CLPX: variants seen among roughly 807,000 people sequenced by gnomAD.
CLPX encodes caseinolytic mitochondrial matrix peptidase chaperone subunit X.
CLPX carries 34 observed loss-of-function variants against 76.4 expected under a neutral mutation model. The ratio of observed to expected loss-of-function variants is 0.45; its 90% CI spans 0.34 to 0.59. The LOEUF is 0.59. Among genes scored for constraint, CLPX ranks in the 20% least tolerant of loss-of-function variants. The pLI, the probability that CLPX is intolerant of heterozygous loss-of-function variation, is 0.01. For synonymous variants in CLPX, 248 were observed against 270.9 expected (o/e 0.92, Z 0.83); for missense variants, 613 against 757.0 (o/e 0.81, Z 2.23).
Position 65,152,706 on chromosome 15 carries a change from TA to T in CLPX, c.1705-171del, listed in dbSNP as rs1376092783. 1.0e-4 allele frequency among the ~76,000 whole-genome samples: 15 copies of T among 148,994 alleles called. No homozygotes were observed. The Admixed American group carries it at 1.0e-3, about 10-fold the overall frequency. On this transcript the variant is annotated intron_variant, in intron 12 of 13. Transcript: ENST00000300107. ...GGGATTATATATATAAACATATATA[TA>T]TATATATTTGGGATTATAGCTGTGA... is the stretch of plus-strand genomic sequence containing the variant.
intron 3 of CLPX, among the ~76,000 whole-genome samples, chr15:65,169,836 A>G (rs1595943239): frequency 6.6e-6 from 1 of 151,176 alleles, no homozygotes; most frequent in African/African-American, 2.4e-5. Flanking sequence ...GCTTACTGCA[A>G]CCTTCGCCTC....
At chr15:65,160,312 C>G (rs532149687) in intron 6 of CLPX, among the ~76,000 whole-genome samples, 1 of 152,254 alleles carries the variant, frequency 6.6e-6, no homozygotes, top group East Asian at 1.9e-4. Flanking sequence ...CCATAAACAT[C>G]TGGATTAAAT....
At chr15:65,155,126 A>G in intron 10 of CLPX, 45 bp from the exon 11 acceptor site, 1 of 1,496,294 alleles carries the variant, frequency 6.7e-7, no homozygotes, top group Non-Finnish European at 9.2e-7. Flanking sequence ...GAATCAAATG[A>G]TAGTGTATTA....
chr15:65,183,268 C>A (rs2088202480), intron 1 of CLPX, among the ~76,000 whole-genome samples: 1 of 151,720 alleles, frequency 6.6e-6, no homozygotes, highest in Non-Finnish European at 1.5e-5. Flanking sequence ...CGAGACCATC[C>A]TGGCTAACAC....
rs1370693664 is a variant in CLPX at position 65,185,088 on chromosome 15, G to A, written c.66C>T (p.Ala22=). 6.3e-7 allele frequency: 1 copy of A among 1,581,222 alleles called. No homozygotes were observed. The highest frequency in any genetic ancestry group is 1.2e-5 in the South Asian group (1 of 86,138). The change falls in exon 1 of 14, where the codon GCC becomes GCT. Residue 22 remains alanine, a synonymous_variant. Coordinates refer to ENST00000300107, the MANE Select transcript of CLPX (RefSeq NM_006660.5). ...AAVRLITSSL[A]SAQRGISGGR... is the part of the protein sequence containing the mutation. ...CTATTTCGTTACCTCTCTGCGCGGA[G>A]GCGAGTGAGGAGGTGATGAGCCGGA...
chr15:65,152,904 T>TG (rs35094787), intron 12 of CLPX, among the ~76,000 whole-genome samples: 1,572 of 150,676 alleles, frequency 0.01, 30 homozygotes, highest in African/African-American at 0.037. Context: ...GCCTCTTTTT[T>TG]TTTGTTTGTT....
intron 1 of CLPX, among the ~76,000 whole-genome samples, chr15:65,180,704 C>T (rs2088155417): frequency 6.6e-6 from 1 of 151,940 alleles, no homozygotes; most frequent in Admixed American, 6.6e-5. Flanking sequence ...GAGTTCAAAA[C>T]CAGCCTGGCC....
chr15:65,154,963 C>A lies in CLPX; in HGVS notation c.1430G>T (p.Arg477Leu), dbSNP rs751694766. ...TCTGGCTTCCACATGACGCAATAAC[C>A]GATCTTTTTCTTCAATGTCTTGGTG... The part of the protein sequence containing the change: ...NTHQDIEEKD[R>L]LLRHVEARDL... The change falls in exon 11 of 14, where the codon CGG becomes CTG. Residue 477 changes from arginine to leucine, a missense_variant. Transcript: ENST00000300107. 1 of 1,614,130 alleles carries A rather than the reference C, an allele frequency of 6.2e-7. No individual in the cohort carries two copies.
intron 1 of CLPX, among the ~76,000 whole-genome samples, chr15:65,180,667 CT>C (rs1199623972): frequency 3.9e-5 from 6 of 152,078 alleles, no homozygotes; most frequent in African/African-American, 1.4e-4. Context: ...TTTGGGAGGC[CT>C]AGGCGGGTGG....
intron 3 of CLPX, among the ~76,000 whole-genome samples, chr15:65,172,104 C>A (rs1209208679): frequency 2.6e-5 from 4 of 152,082 alleles, no homozygotes; most frequent in Non-Finnish European, 2.9e-5. Flanking sequence ...GCTGGGATTA[C>A]AAGCATGCGC....
At chr15:65,168,891 C>T (rs1214263458) in intron 3 of CLPX, among the ~76,000 whole-genome samples, 4 of 150,092 alleles carry the variant, frequency 2.7e-5, no homozygotes, top group African/African-American at 9.8e-5. Context: ...GGGTATCGCT[C>T]TGTTGCCCAG....
At chr15:65,154,725 A>G in intron 11 of CLPX, 57 bp downstream of exon 11, 1 of 1,366,094 alleles carries the variant, frequency 7.3e-7, no homozygotes, top group Non-Finnish European at 1.0e-6. Flanking sequence ...TAATTTATGT[A>G]GAATTTCAAT....
At chr15:65,172,905 T>C (rs148380295) in intron 3 of CLPX, among the ~76,000 whole-genome samples, 41 of 152,184 alleles carry the variant, frequency 2.7e-4, no homozygotes, top group Non-Finnish European at 5.1e-4. Flanking sequence ...GTCTCAGCTA[T>C]TCAGGATGCT....
Position 65,164,013 on chromosome 15 carries a change from T to C in CLPX, c.673+16A>G, listed in dbSNP as rs2087881068. Reference sequence around the variant, plus strand: ...GCATAGCAATCTCTATTTAGGTCAATTATCAAAAACGCTACCTCTTGGTGT... The same window carrying C: ...GCATAGCAATCTCTATTTAGGTCAACTATCAAAAACGCTACCTCTTGGTGT... On this transcript the variant is annotated intron_variant, in intron 5 of 13. Transcript: ENST00000300107. The C allele has an allele frequency of 6.2e-7, 1 of 1,609,096 alleles. No individual in the cohort carries two copies. Among genetic ancestry groups the C allele is most frequent in the South Asian group, 1.1e-5 (1 of 90,172 alleles).
intron 3 of CLPX, among the ~76,000 whole-genome samples, chr15:65,172,590 C>A (rs2088025302): frequency 6.6e-6 from 1 of 152,078 alleles, no homozygotes; most frequent in Non-Finnish European, 1.5e-5. Flanking sequence ...CTCGATCACA[C>A]CACTGCACTC....
chr15:65,155,754 A>T lies in CLPX; in HGVS notation c.1249T>A (p.Phe417Ile). 1.2e-6 allele frequency: 2 copies of T among 1,614,086 alleles called. No homozygotes were observed. Among genetic ancestry groups the T allele is most frequent in the Non-Finnish European group, 1.7e-6 (2 of 1,179,990 alleles). ...TVQVDTTNIL[F>I]VASGAFNGLD... ...CCATTGAAAGCACCAGATGCCACAA[A>T]CAGGATGTTTGTTGTATCAACTTGA... The change falls in exon 10 of 14, where the codon TTT (phenylalanine) becomes ATT (isoleucine). Residue 417 changes from phenylalanine (F) to isoleucine (I), a missense_variant. This residue lies in a region of CLPX where 450 missense variants were observed against 638.6 expected (regional missense o/e 0.70). Transcript: ENST00000300107.
chr15:65,158,544 GAGT>G, intron 7 of CLPX, 28 bp downstream of exon 7: 1 of 1,548,510 alleles, frequency 6.5e-7, no homozygotes, highest in Non-Finnish European at 8.8e-7. Context: ...TTTTTAAAAT[GAGT>G]AGTAAATTTT....
At position 65,155,870 on chromosome 15, in the gene CLPX, A is replaced by G. The variant is rs754770933; in HGVS notation, c.1147-14T>C. The G allele has an allele frequency of 3.1e-6, 5 of 1,599,100 alleles. No individual in the cohort carries two copies. The highest frequency in any genetic ancestry group is 4.3e-6 in the Non-Finnish European group (5 of 1,167,940). On this transcript the variant is annotated splice_polypyrimidine_tract_variant and intron_variant, in intron 9 of 13. Coordinates refer to ENST00000300107, the MANE Select transcript of CLPX (RefSeq NM_006660.5). Reference sequence around the variant, plus strand: ...TTTTAATAAGCCCTAAATAAAGAACAAATGATTTATAGCATCACCATATAA... The same window carrying G: ...TTTTAATAAGCCCTAAATAAAGAACGAATGATTTATAGCATCACCATATAA...
chr15:65,179,913 T>C, intron 2 of CLPX, 131 bp downstream of exon 2: 1 of 533,884 alleles, frequency 1.9e-6, no homozygotes, highest in Non-Finnish European at 3.1e-6. Context: ...TACATAAAAT[T>C]ATTCAGATCA....
Sources: gnomAD v4.1 joint callset for allele counts (sites outside exome capture counted in the v4.1 genomes callset) on GRCh38, gnomAD v4.1.1 for gene constraint, gnomAD v4.1.1 regional missense constraint, MANE v1.5 for transcripts, NCBI Gene and HGNC (gene_info 2026-07-23, HGNC 2026-07-21) for gene names.